The following PCID2 variants were observed in gnomAD, a reference collection of about 807,000 sequenced individuals.
The protein encoded by PCID2 is PCI domain-containing protein 2.
A neutral mutation model predicts 61.3 loss-of-function variants in PCID2; 41 were observed. The ratio of observed to expected loss-of-function variants is 0.67; its 90% CI spans 0.52 to 0.87. The LOEUF (loss-of-function observed/expected upper bound fraction) is 0.87, where lower values mean the gene tolerates loss of function less well. Ranked by LOEUF, PCID2 falls within the 40% of genes least tolerant of loss-of-function variation. PCID2 has a pLI of 0.00. For synonymous variants in PCID2, 187 were observed against 177.8 expected (o/e 1.05, Z -0.41); for missense variants, 392 against 493.4 (o/e 0.79, Z 1.95).
chr13:113,207,920 C>A, intron 1 of PCID2: 1 of 991,804 alleles, frequency 1.0e-6, no homozygotes, highest in South Asian at 1.3e-5. Context: ...TTTCCTATCC[C>A]TGTTACCACA....
Position 113,190,892 on chromosome 13 carries a change from G to A in PCID2, c.447C>T (p.Phe149=), listed in dbSNP as rs753303087. 6.2e-7 allele frequency: 1 copy of A among 1,612,588 alleles called. No homozygotes were observed. Among genetic ancestry groups the A allele is most frequent in the South Asian group, 1.1e-5 (1 of 90,882 alleles). The change falls in exon 7 of 14, where the codon TTC becomes TTT. Residue 149 remains phenylalanine, a synonymous_variant. Coordinates refer to ENST00000337344, the MANE Select transcript of PCID2 (RefSeq NM_001127202.4). ...EKAAELLMSC[F]RVCASDTRAG... is the part of the protein sequence containing the mutation. ...CTCACGTGTCGCTGGCACAGACCCG[G>A]AAACAGCTCATCAGTAACTCTGCTG...
rs769965917 is a variant in PCID2, at chr13:113,179,058, G to A, written c.1018C>T (p.Leu340=). 1.2e-6 allele frequency: 2 copies of A among 1,613,940 alleles called. No individual in the cohort carries two copies. The highest frequency in any genetic ancestry group is 4.5e-5 in the East Asian group (2 of 44,880). The change falls in exon 13 of 14, where the codon CTG becomes TTG. Residue 340 remains leucine (L), a synonymous_variant. Coordinates refer to ENST00000337344, the MANE Select transcript of PCID2 (RefSeq NM_001127202.4). The surrounding 1 kb of genome is among the most constrained non-coding windows in gnomAD (Gnocchi z 4.3). ...YLLLKTHQLS[L]DAFLVALKFM... is the part of the protein sequence containing the mutation. ...TTCAAGGCAACCAGAAAAGCATCCA[G>A]AGACAGCTGGTGTGTTTTCAGTAAC...
chr13:113,201,662 A>C (rs762069554), intron 1 of PCID2, among the ~76,000 whole-genome samples: 1 of 152,034 alleles, frequency 6.6e-6, no homozygotes, highest in East Asian at 1.9e-4. Context: ...ATACAAAAAA[A>C]TTAGCCGGGT....
At chr13:113,171,477 G>T in the PCID2 span, 3 of 1,320,994 alleles carry the variant, frequency 2.3e-6, no homozygotes, top group Middle Eastern at 1.8e-4. The surrounding 1 kb of genome is among the most constrained non-coding windows in gnomAD (Gnocchi z 5.1). Context: ...CGGTGAGCCT[G>T]CGGGTCCTCC....
chr13:113,205,255 C>T (rs970096225), intron 1 of PCID2, among the ~76,000 whole-genome samples: 1 of 152,088 alleles, frequency 6.6e-6, no homozygotes, highest in Non-Finnish European at 1.5e-5. Context: ...GAGAGGTGTT[C>T]TTGGCAAAAG....
intron 3 of PCID2, 53 bp from the exon 4 acceptor site, chr13:113,197,296 A>C: frequency 7.8e-7 from 1 of 1,286,888 alleles, no homozygotes; most frequent in Non-Finnish European, 1.1e-6. Context: ...AGCACTAGTT[A>C]TGCAGCCCAC....
chr13:113,201,997 G>A (rs1169173051), intron 1 of PCID2, among the ~76,000 whole-genome samples: 1 of 152,150 alleles, frequency 6.6e-6, no homozygotes, highest in Non-Finnish European at 1.5e-5. Context: ...AAGCAGATGA[G>A]ATCCCTCTAC....
chr13:113,165,684 C>G, the PCID2 span, among the ~76,000 whole-genome samples: 1 of 152,182 alleles, frequency 6.6e-6, no homozygotes, highest in Admixed American at 6.5e-5. Context: ...GAATGTGCCA[C>G]CACGCCCGGC....
At position 113,180,207 on chromosome 13, in the gene PCID2, G is replaced by A; in HGVS notation, c.811C>T (p.Leu271=). ...AACTGCATCAGGTGATACTTTTTCA[G>A]GAGCTCCACAGTGGGCATGTGACCC... is the stretch of plus-strand genomic sequence containing the variant. ...LLGHMPTVEL[L]KKYHLMQFAE... Residue 271 remains leucine (L), a synonymous_variant, in exon 11 of 14, where the codon CTG becomes TTG. Coordinates refer to ENST00000337344, the MANE Select transcript of PCID2 (RefSeq NM_001127202.4). 1 of 1,613,810 alleles carries A rather than the reference G, an allele frequency of 6.2e-7. No individual in the cohort carries two copies. The highest frequency in any genetic ancestry group is 8.5e-7 in the Non-Finnish European group (1 of 1,179,762).
Position 113,194,726 on chromosome 13 carries a change from T to TG in PCID2, c.363+344dup, listed in dbSNP as rs2038879504. Among the ~76,000 whole-genome samples, 3 of 152,280 alleles carry TG rather than the reference T, an allele frequency of 2.0e-5. No individual in the cohort carries two copies. In the South Asian group the frequency reaches 6.2e-4, roughly 32 times the overall value. On this transcript the variant is annotated intron_variant, in intron 6 of 13. Transcript: ENST00000337344. ...AATCTATATGAAGCTGAATTCTTTTTGGTGGGGGAGCAGGCCACATCTTAA... is the reference window on the plus strand; with the variant it reads ...AATCTATATGAAGCTGAATTCTTTTTGGGTGGGGGAGCAGGCCACATCTTAA...
intron 5 of PCID2, among the ~76,000 whole-genome samples, chr13:113,195,421 T>G (rs1267261392): frequency 1.3e-5 from 2 of 152,100 alleles, no homozygotes; most frequent in Non-Finnish European, 2.9e-5. Context: ...CCCCTCAGCT[T>G]CCCACCAGTA....
intron 1 of PCID2, among the ~76,000 whole-genome samples, chr13:113,204,791 A>G (rs1322235220): frequency 6.6e-6 from 1 of 152,208 alleles, no homozygotes; most frequent in Non-Finnish European, 1.5e-5. Context: ...CAAGCCCTAA[A>G]GGTGCGACTG....
chr13:113,179,116 G>A lies in PCID2; in HGVS notation c.987-27C>T, dbSNP rs1471388306. ...TGGAAGAGGGGAGGAGAAGGGCACT[G>A]TGGTTACCGACAGGATGCAATACTC... On this transcript the variant is annotated intron_variant, in intron 12 of 13. Transcript: ENST00000337344. This position sits in a 1 kb window ranked among gnomAD's most constrained non-coding sequence, Gnocchi z 4.3. 1.2e-6 allele frequency: 2 copies of A among 1,606,692 alleles called. No individual in the cohort carries two copies. Among genetic ancestry groups the A allele is most frequent in the Non-Finnish European group, 1.7e-6 (2 of 1,176,110 alleles).
chr13:113,199,476 T>C (rs1433630876), intron 2 of PCID2, among the ~76,000 whole-genome samples: 3 of 152,370 alleles, frequency 2.0e-5, no homozygotes, highest in East Asian at 1.9e-4. Flanking sequence ...CATGCTGATA[T>C]GGTGAGAGAG....
chr13:113,201,946 G>A (rs560061100), intron 1 of PCID2, among the ~76,000 whole-genome samples: 32 of 151,838 alleles, frequency 2.1e-4, no homozygotes, highest in African/African-American at 5.3e-4. Flanking sequence ...AAGACTGACC[G>A]GGGATGTCAT....
At chr13:113,172,596 A>C (rs2037136394), downstream of PCID2, among the ~76,000 whole-genome samples, 1 of 152,200 alleles carries the variant, frequency 6.6e-6, no homozygotes, top group African/African-American at 2.4e-5. Flanking sequence ...CACTAGAAGC[A>C]GGTTGGCAAT....
chr13:113,174,043 A>G (rs1422745347), downstream of PCID2, among the ~76,000 whole-genome samples: 2 of 151,620 alleles, frequency 1.3e-5, no homozygotes, highest in African/African-American at 4.8e-5. Flanking sequence ...CCTGACCAAC[A>G]TGGTGAAACT....
intron 13 of PCID2, 166 bp from the exon 14 acceptor site, chr13:113,178,453 T>C (rs1332805468): frequency 3.7e-6 from 2 of 538,914 alleles, no homozygotes; most frequent in Non-Finnish European, 6.7e-6. Flanking sequence ...ACCCTCTATA[T>C]CCACGGTGGG....
At chr13:113,177,501 G>C (rs1223400422), downstream of PCID2, 3 of 151,986 alleles carry the variant, frequency 2.0e-5, no homozygotes, top group African/African-American at 7.2e-5. Flanking sequence ...GGAGGCTTCT[G>C]AGTATGTTAA....
Sources: allele counts gnomAD v4.1 joint callset (sites outside exome capture counted in the v4.1 genomes callset), GRCh38; gene constraint gnomAD v4.1.1; non-coding constraint Gnocchi (gnomAD v3.1); transcripts MANE v1.5; gene names NCBI Gene and HGNC (gene_info 2026-07-23, HGNC 2026-07-21).